PRKDC: variants seen among roughly 807,000 people sequenced by gnomAD.
The protein encoded by PRKDC is DNA-dependent protein kinase catalytic subunit.
Under a neutral mutation model 486.9 loss-of-function variants are expected in PRKDC, and 82 were observed. The observed-to-expected ratio is 0.17, with a 90% CI of 0.14 to 0.20. The LOEUF is 0.20. Ranked by LOEUF, PRKDC falls within the 10% of genes least tolerant of loss-of-function variation. The pLI is 1.00. For missense variants in PRKDC, 4,504 were observed against 5,038.2 expected (o/e 0.89, Z 3.21); for synonymous variants, 1,895 against 1,837.0 (o/e 1.03, Z -0.81).
In PRKDC at chr8:47,879,493, T is replaced by C; in HGVS notation, c.5233A>G (p.Lys1745Glu). The C allele has an allele frequency of 6.4e-7, 1 of 1,569,492 alleles. No homozygotes were observed. Among genetic ancestry groups the C allele is most frequent in the Non-Finnish European group, 8.6e-7 (1 of 1,156,724 alleles). The change falls in exon 39 of 86, where the codon AAG (lysine) becomes GAG (glutamate). Residue 1745 changes from lysine (K) to glutamate (E), a missense_variant and splice_region_variant. Transcript: ENST00000314191. The part of the protein sequence containing the change: ...RFNNYVDCMK[K>E]FLDALELSQS... ...ACTTGATACTACTAGAAACTAACCT[T>C]TTTCATGCAGTCCACATAATTATTG...
At chr8:47,888,964 G>GCCTA in intron 33 of PRKDC, 50 bp downstream of exon 33, 1 of 1,550,654 alleles carries the variant, frequency 6.4e-7, no homozygotes, top group Non-Finnish European at 8.9e-7. Flanking sequence ...AACATACTAG[G>GCCTA]GCCTGAAATT....
rs183716577 is a variant in PRKDC at position 47,911,831 on chromosome 8, G to A, written c.2934+579C>T. Among the ~76,000 whole-genome samples, 270 of 151,798 alleles carry A rather than the reference G, an allele frequency of 1.8e-3. 1 individual carries two copies. Among genetic ancestry groups the A allele is most frequent in the African/African-American group, 5.9e-3 (246 of 41,362 alleles). On this transcript the variant is annotated intron_variant, in intron 25 of 85. Coordinates refer to ENST00000314191, the MANE Select transcript of PRKDC (RefSeq NM_006904.7). ...GTCTCCCAAACTAGAGTGCAGTGGC[G>A]TGATCTCAGAGCACTGCAATCTCCA...
At chr8:47,903,352 G>T (rs1318203414) in intron 26 of PRKDC, among the ~76,000 whole-genome samples, 1 of 152,220 alleles carries the variant, frequency 6.6e-6, no homozygotes, top group African/African-American at 2.4e-5. Flanking sequence ...TTTATGCTTT[G>T]TTGCCTTCTA....
chr8:47,784,282 CATT>C (rs1326239491), intron 77 of PRKDC: 1 of 161,316 alleles, frequency 6.2e-6, no homozygotes, highest in African/African-American at 2.4e-5. Flanking sequence ...AGTTATTTCT[CATT>C]TTGACTGATT....
Position 47,798,297 on chromosome 8 carries a change from A to C in PRKDC, c.10398T>G (p.Pro3466=). 5 of 1,613,840 alleles carry C rather than the reference A, an allele frequency of 3.1e-6. No individual in the cohort carries two copies. The highest frequency in any genetic ancestry group is 4.2e-6 in the Non-Finnish European group (5 of 1,179,844). ...ACCGTTCTATAATCTGAAGTAATCT[A>C]GGAAACTTCAATCTGGCTTCATTGG... The part of the protein sequence containing the change: ...LNSNEARLKF[P]RLLQIIERYP... The change falls in exon 73 of 86, where the codon CCT becomes CCG. Residue 3466 remains proline (P), a synonymous_variant. Coordinates refer to ENST00000314191, the MANE Select transcript of PRKDC (RefSeq NM_006904.7).
At chr8:47,930,543 A>C in intron 17 of PRKDC, 129 bp downstream of exon 17, 1 of 873,108 alleles carries the variant, frequency 1.1e-6, no homozygotes, top group South Asian at 1.7e-5. Context: ...AAGTGCTGGG[A>C]TTACAGGCGT....
At chr8:47,822,382 T>C (rs1387308398) in intron 64 of PRKDC, among the ~76,000 whole-genome samples, 3 of 152,156 alleles carry the variant, frequency 2.0e-5, no homozygotes, top group Non-Finnish European at 4.4e-5. Flanking sequence ...ACTGAAGACT[T>C]TCAATCACAA....
chr8:47,792,222 ATT>A (rs1252865010), intron 74 of PRKDC, among the ~76,000 whole-genome samples: 3 of 150,760 alleles, frequency 2.0e-5, no homozygotes, highest in Non-Finnish European at 1.5e-5. Flanking sequence ...AGGATCTAGT[ATT>A]TAGTGGCACA....
chr8:47,951,470 C>T (rs745393840), intron 7 of PRKDC, among the ~76,000 whole-genome samples: 4 of 151,930 alleles, frequency 2.6e-5, no homozygotes, highest in African/African-American at 4.8e-5. Flanking sequence ...ACACCTGCAA[C>T]CCTAGTACTC....
At chr8:47,904,383 G>A (rs537225568) in intron 26 of PRKDC, among the ~76,000 whole-genome samples, 17 of 152,304 alleles carry the variant, frequency 1.1e-4, no homozygotes, top group African/African-American at 4.1e-4. Context: ...GCCACCTGGC[G>A]AGCTGGCACT....
intron 40 of PRKDC, among the ~76,000 whole-genome samples, chr8:47,873,583 T>C (rs1047670824): frequency 3.3e-5 from 5 of 152,160 alleles, no homozygotes; most frequent in Admixed American, 1.3e-4. Flanking sequence ...TGCAGCACTG[T>C]TCACAACAGC....
intron 40 of PRKDC, among the ~76,000 whole-genome samples, chr8:47,875,917 A>G (rs1459385501): frequency 6.6e-6 from 1 of 152,216 alleles, no homozygotes; most frequent in Admixed American, 6.5e-5. Context: ...GTTAATTATG[A>G]TATTTTTAAA....
chr8:47,834,220 C>A lies in PRKDC; in HGVS notation c.8128G>T (p.Asp2710Tyr). 6.2e-7 allele frequency: 1 copy of A among 1,614,034 alleles called. No individual in the cohort carries two copies. Among genetic ancestry groups the A allele is most frequent in the South Asian group, 1.1e-5 (1 of 91,082 alleles). ...FGKKRLGLPGDEVDNKVKGAA... is the reference protein window; with the variant it reads ...FGKKRLGLPGYEVDNKVKGAA... ...CCTTTCACTTTGTTATCCACCTCGT[C>A]CCCTGGAAGGCCCAGCCTTTTTTTC... Residue 2710 changes from aspartate to tyrosine, a missense_variant, in exon 59 of 86, where the codon GAC becomes TAC. Asp to Tyr is a radical substitution (Grantham distance 160, BLOSUM62 -3). This residue lies in a region of PRKDC where 1,592 missense variants were observed against 1,724.6 expected (regional missense o/e 0.92). Transcript: ENST00000314191.
At position 47,935,756 on chromosome 8, in the gene PRKDC, G is replaced by C; in HGVS notation, c.1423C>G (p.Leu475Val). The C allele has an allele frequency of 6.2e-7, 1 of 1,613,844 alleles. No individual in the cohort carries two copies. The highest frequency in any genetic ancestry group is 8.5e-7 in the Non-Finnish European group (1 of 1,179,854). Residue 475 changes from leucine (L) to valine (V), a missense_variant, in exon 13 of 86, where the codon CTC becomes GTC. Physicochemically the swap from Leu to Val is conservative, Grantham distance 32. Transcript: ENST00000314191. Reference sequence around the variant, plus strand: ...CCCACAGTACTAATGCAATTCCTGAGAACTGGCCCTTTTGCTGCCAAAGCT... The same window carrying C: ...CCCACAGTACTAATGCAATTCCTGACAACTGGCCCTTTTGCTGCCAAAGCT... Reference protein sequence around the residue: ...FLALAAKGPVLRNCISTVVHQ... With the variant: ...FLALAAKGPVVRNCISTVVHQ...
At chr8:47,872,516 A>T (rs528727920) in intron 40 of PRKDC, among the ~76,000 whole-genome samples, 10 of 151,902 alleles carry the variant, frequency 6.6e-5, no homozygotes, top group Admixed American at 3.3e-4. Context: ...AAAAAAAAAA[A>T]AAAAATGATC....
rs1203200994 is a variant in PRKDC at position 47,777,743 on chromosome 8, A to G, written c.11985T>C (p.Pro3995=). Residue 3995 remains proline, a synonymous_variant, in exon 84 of 86, where the codon CCT becomes CCC. Transcript: ENST00000314191. Reference sequence around the variant, plus strand: ...CATCCATGGTGTTGGTGAGCAGGCCAGGGTCTGAGCGGAAGGCCCGGAGTG... The same window carrying G: ...CATCCATGGTGTTGGTGAGCAGGCCGGGGTCTGAGCGGAAGGCCCGGAGTG... ...VHALRAFRSD[P]GLLTNTMDVF... is the part of the protein sequence containing the mutation. 2 of 1,613,580 alleles carry G rather than the reference A, an allele frequency of 1.2e-6. No individual in the cohort carries two copies. The highest frequency in any genetic ancestry group is 2.2e-5 in the South Asian group (2 of 91,066).
Position 47,788,950 on chromosome 8 carries a change from G to C in PRKDC, c.10858C>G (p.Pro3620Ala). 6.2e-7 allele frequency: 1 copy of C among 1,611,622 alleles called. No individual in the cohort carries two copies. The highest frequency in any genetic ancestry group is 1.7e-5 in the Admixed American group (1 of 59,698). The change falls in exon 76 of 86, where the codon CCA becomes GCA. Residue 3620 changes from proline (P) to alanine (A), a missense_variant. Coordinates refer to ENST00000314191, the MANE Select transcript of PRKDC (RefSeq NM_006904.7). Reference sequence around the variant, plus strand: ...AAGGCCCCCAGGCCTGGAGCCTTTGGGTCACCCAAGGCTGCATACATTCTT... The same window carrying C: ...AAGGCCCCCAGGCCTGGAGCCTTTGCGTCACCCAAGGCTGCATACATTCTT... ...YERMYAALGD[P>A]KAPGLGAFRR...
At chr8:47,948,618 C>G (rs1202644379) in intron 7 of PRKDC, among the ~76,000 whole-genome samples, 1 of 151,944 alleles carries the variant, frequency 6.6e-6, no homozygotes, top group African/African-American at 2.4e-5. Flanking sequence ...CGCCACCACG[C>G]CCAGCTAATT....
rs975482229 is a variant in PRKDC at position 47,837,241 on chromosome 8, C to T, written c.7732G>A (p.Glu2578Lys). The T allele has an allele frequency of 4.3e-6, 7 of 1,613,584 alleles. No individual in the cohort carries two copies. Among genetic ancestry groups the T allele is most frequent in the African/African-American group, 2.7e-5 (2 of 74,890 alleles). Residue 2578 changes from glutamate (E) to lysine (K), a missense_variant, in exon 57 of 86, where the codon GAG becomes AAG. Physicochemically the swap from Glu to Lys is moderately conservative, Grantham distance 56 (BLOSUM62 1). Around this residue, in one of 6 missense-constraint regions of PRKDC, gnomAD observed 1,592 missense variants for 1,724.6 expected, o/e 0.92. Coordinates refer to ENST00000314191, the MANE Select transcript of PRKDC (RefSeq NM_006904.7). ...AATTCGCATTCTGACAGAGGATGCT[C>T]GAACATGGGGTTTGGATAATCTGGG... ...MSPDYPNPMFEHPLSECEFQE... is the reference protein window; with the variant it reads ...MSPDYPNPMFKHPLSECEFQE...
Sources: allele counts gnomAD v4.1 joint callset (sites outside exome capture counted in the v4.1 genomes callset), GRCh38; gene constraint gnomAD v4.1.1; regional missense constraint gnomAD v4.1.1; transcripts MANE v1.5; gene names NCBI Gene and HGNC (gene_info 2026-07-23, HGNC 2026-07-21).